Variants in LIN9 observed in about 807,000 individuals in gnomAD.
LIN9 encodes the protein lin-9 DREAM MuvB core complex component.
A neutral mutation model predicts 78.0 loss-of-function variants in LIN9; 18 were observed. The ratio of observed to expected loss-of-function variants is 0.23; its 90% CI spans 0.16 to 0.34. The LOEUF (loss-of-function observed/expected upper bound fraction) is 0.34, where lower values mean the gene tolerates loss of function less well. Among genes scored for constraint, LIN9 ranks in the 10% least tolerant of loss-of-function variants. The pLI, the probability that LIN9 is intolerant of heterozygous loss-of-function variation, is 1.00. For missense variants in LIN9, 451 were observed against 644.1 expected, an observed-to-expected ratio of 0.70 and a Z score of 3.25; for synonymous variants, 192 against 215.2, an observed-to-expected ratio of 0.89 and a Z score of 0.94.
At chr1:226,253,699 T>C (rs1011526377) in intron 10 of LIN9, among the ~76,000 whole-genome samples, 12 of 151,784 alleles carry the variant, frequency 7.9e-5, no homozygotes, top group Non-Finnish European at 1.6e-4. Context: ...GTGGATCACC[T>C]GAGGTCAGGA....
At chr1:226,285,238 C>T (rs567229200) in intron 6 of LIN9, among the ~76,000 whole-genome samples, 27 of 152,146 alleles carry the variant, frequency 1.8e-4, no homozygotes, top group African/African-American at 6.0e-4. Flanking sequence ...TGCTCAAACA[C>T]GCAAAATGAT....
At chr1:226,252,710 C>T (rs572141050) in intron 10 of LIN9, among the ~76,000 whole-genome samples, 2 of 152,288 alleles carry the variant, frequency 1.3e-5, no homozygotes, top group South Asian at 2.1e-4. Context: ...TGGTAGCTCA[C>T]GCCTATAATC....
chr1:226,271,926 T>C (rs146430128), intron 7 of LIN9, among the ~76,000 whole-genome samples: 29 of 152,316 alleles, frequency 1.9e-4, no homozygotes, highest in African/African-American at 6.7e-4. Context: ...CAGTTACTAT[T>C]TGCACTGCAT....
intron 2 of LIN9, among the ~76,000 whole-genome samples, chr1:226,300,822 C>A (rs1320783794): frequency 1.3e-5 from 2 of 151,894 alleles, no homozygotes; most frequent in Non-Finnish European, 2.9e-5. Context: ...CACCGTTGTA[C>A]TCCAGCCTGG....
intron 11 of LIN9, among the ~76,000 whole-genome samples, chr1:226,243,103 C>T (rs2102847159): frequency 6.6e-6 from 1 of 152,254 alleles, no homozygotes; most frequent in South Asian, 2.1e-4. Context: ...CCCCTAACCC[C>T]CATGTTGTTT....
intron 4 of LIN9, among the ~76,000 whole-genome samples, chr1:226,292,348 C>T (rs574271946): frequency 3.3e-5 from 5 of 152,070 alleles, no homozygotes; most frequent in African/African-American, 9.7e-5. Flanking sequence ...TTGGTAGAGA[C>T]GGGATTTCAC....
chr1:226,250,366 C>G (rs1350972675), intron 11 of LIN9, among the ~76,000 whole-genome samples: 1 of 152,170 alleles, frequency 6.6e-6, no homozygotes, highest in Non-Finnish European at 1.5e-5. Context: ...TCACAGGTAT[C>G]TGAGCAATTC....
In LIN9 at chr1:226,309,125, G is replaced by A. The variant is rs774954239; in HGVS notation, c.15C>T (p.Asp5=). 2 of 1,344,152 alleles carry A rather than the reference G, an allele frequency of 1.5e-6. No homozygotes were observed. The highest frequency in any genetic ancestry group is 2.3e-5 in the South Asian group (1 of 43,322). 83.3% of individuals were successfully genotyped at this position (1,344,152 alleles called of 1,614,324 possible). The part of the protein sequence containing the change: MAEL[D]QLPDESSSAK... ...GCTACTCACTCTCGTCAGGCAACTG[G>A]TCGAGCTCCGCCATCTTGAACGAGC... The change falls in exon 1 of 15, where the codon GAC becomes GAT. Residue 5 remains aspartate (D), a synonymous_variant. Coordinates refer to ENST00000681046, the MANE Select transcript of LIN9 (RefSeq NM_001366245.2).
At chr1:226,250,971 T>A in intron 10 of LIN9, 52 bp from the exon 11 acceptor site, 1 of 862,636 alleles carries the variant, frequency 1.2e-6, no homozygotes, top group Non-Finnish European at 1.9e-6. Flanking sequence ...TTAGGTATAT[T>A]GGTTAGACAT....
At chr1:226,290,243 AAAAGG>A (rs1403159904) in intron 4 of LIN9, among the ~76,000 whole-genome samples, 1 of 152,174 alleles carries the variant, frequency 6.6e-6, no homozygotes, top group African/African-American at 2.4e-5. Flanking sequence ...CAGTTTACAG[AAAAGG>A]AAAGAAATAA....
In LIN9 at chr1:226,277,631, A is replaced by G. The variant is rs1660751867; in HGVS notation, c.682+144T>C. On this transcript the variant is annotated intron_variant, in intron 7 of 14. Transcript: ENST00000681046. ...CCAGGCTCAGAGAGAGTTGAGGGAT[A>G]GGGATAGGGTGAGGGTTAACGATGT... 6 of 688,336 alleles carry G rather than the reference A, an allele frequency of 8.7e-6. No individual in the cohort carries two copies. In the South Asian group the frequency reaches 1.0e-4, roughly 12 times the overall value. The allele number at this position is 688,336 out of a possible 1,614,324, so 42.6% of individuals were successfully genotyped here.
At chr1:226,305,315 GAAAAAAAAAAAA>G (rs111859953) in intron 1 of LIN9, among the ~76,000 whole-genome samples, 6 of 77,506 alleles carry the variant, frequency 7.7e-5, no homozygotes, top group South Asian at 4.1e-4. Flanking sequence ...ACAAAAAAAA[GAAAAAAAAAAAA>G]AAAAAAAAAA....
At chr1:226,289,279 G>C (rs1661576381) in intron 4 of LIN9, among the ~76,000 whole-genome samples, 1 of 151,980 alleles carries the variant, frequency 6.6e-6, no homozygotes, top group Admixed American at 6.6e-5. Context: ...AAAAGAATAT[G>C]TGATAATATC....
chr1:226,309,429 G>C (rs543096916), upstream of LIN9: 47 of 1,001,976 alleles, frequency 4.7e-5, no homozygotes, highest in South Asian at 6.0e-4. Flanking sequence ...CCGGAGCGCG[G>C]GGGGAGCAGT....
intron 1 of LIN9, 80 bp downstream of exon 1, chr1:226,309,029 C>T: frequency 2.4e-6 from 3 of 1,269,300 alleles, no homozygotes; most frequent in Non-Finnish European, 3.0e-6. Context: ...GCGGAGGGCA[C>T]GGCCGTCCGT....
rs1439752246 is a variant in LIN9 at position 226,265,412 on chromosome 1, G to A, written c.1038+121C>T. 8 of 498,276 alleles carry A rather than the reference G, an allele frequency of 1.6e-5. No individual in the cohort carries two copies. Among genetic ancestry groups the A allele is most frequent in the Non-Finnish European group, 2.5e-5 (7 of 278,014 alleles). 30.9% of individuals were successfully genotyped at this position (498,276 alleles called of 1,614,324 possible). A position where few individuals can be genotyped will look rare whatever the true frequency, so the allele number is the denominator to read the frequency against. On this transcript the variant is annotated intron_variant, in intron 10 of 14. Coordinates refer to ENST00000681046, the MANE Select transcript of LIN9 (RefSeq NM_001366245.2). This position sits in a 1 kb window ranked among gnomAD's most constrained non-coding sequence, Gnocchi z 4.1. ...TTATTTTCAGGCTTTGTTGGAAATA[G>A]CAGCTCTTAAAACCTACACGGTGAT...
chr1:226,292,584 G>A (rs1303321157), intron 4 of LIN9, among the ~76,000 whole-genome samples: 3 of 152,086 alleles, frequency 2.0e-5, no homozygotes, highest in African/African-American at 7.2e-5. Context: ...CTCCCAAAGA[G>A]CTGGTACCAC....
intron 6 of LIN9, among the ~76,000 whole-genome samples, chr1:226,285,669 A>C (rs1208994690): frequency 6.6e-6 from 1 of 152,220 alleles, no homozygotes; most frequent in African/African-American, 2.4e-5. Context: ...AAAAGAAAAA[A>C]TCATTTCACA....
At chr1:226,253,284 GAA>G (rs1432076656) in intron 10 of LIN9, among the ~76,000 whole-genome samples, 15 of 145,956 alleles carry the variant, frequency 1.0e-4, no homozygotes, top group South Asian at 2.2e-4. Flanking sequence ...AAAAAAAAGA[GAA>G]AGAAAGAAAG....
Sources: gnomAD v4.1 joint callset for allele counts (sites outside exome capture counted in the v4.1 genomes callset) on GRCh38, gnomAD v4.1.1 for gene constraint, Gnocchi (gnomAD v3.1) non-coding constraint, MANE v1.5 for transcripts, NCBI Gene and HGNC (gene_info 2026-07-23, HGNC 2026-07-21) for gene names.